Variants in GSE1 observed in about 807,000 individuals in gnomAD.
GSE1 encodes genetic suppressor element 1.
GSE1 carries 32 observed loss-of-function variants against 112.6 expected under a neutral mutation model. The ratio of observed to expected loss-of-function variants is 0.28; its 90% CI spans 0.21 to 0.38. GSE1 has a LOEUF of 0.38. Among genes scored for constraint, GSE1 ranks in the 10% least tolerant of loss-of-function variants. GSE1 has a pLI of 1.00. For synonymous variants in GSE1, 1,115 were observed against 735.6 expected (o/e 1.52, Z -8.35); for missense variants, 2,348 against 1,699.2 (o/e 1.38, Z -6.71).
intron 1 of GSE1, among the ~76,000 whole-genome samples, chr16:85,567,160 C>A (rs562957501): frequency 6.6e-6 from 1 of 151,862 alleles, no homozygotes; most frequent in Non-Finnish European, 1.5e-5. Flanking sequence ...CACAGGGTGC[C>A]GGCCTGTCGG....
intron 1 of GSE1, among the ~76,000 whole-genome samples, chr16:85,587,450 T>C (rs1444560901): frequency 6.6e-6 from 1 of 152,064 alleles, no homozygotes; most frequent in African/African-American, 2.4e-5. Context: ...GCAGTGTGCA[T>C]GTGAGGCTGT....
Position 85,664,996 on chromosome 16 carries a change from C to T in GSE1, c.2645-19C>T, listed in dbSNP as rs368427861. 94 of 1,472,232 alleles carry T rather than the reference C, an allele frequency of 6.4e-5. No individual in the cohort carries two copies. In the African/African-American group the frequency reaches 1.1e-3, roughly 18 times the overall value. The allele number at this position is 1,472,232 out of a possible 1,614,324, so 91.2% of individuals were successfully genotyped here. A position where few individuals can be genotyped will look rare whatever the true frequency, so the allele number is the denominator to read the frequency against. On this transcript the variant is annotated intron_variant, in intron 11 of 15. Transcript: ENST00000253458. ...AATGATGCAACTGGCTCGTTAATCT[C>T]AGGCTGCTTTTCTCATAGACAAAGA...
intron 2 of GSE1, chr16:85,490,421 C>T (rs1008987428): frequency 6.6e-6 from 1 of 152,274 alleles, no homozygotes. Flanking sequence ...TCCGCAGAAG[C>T]GCCCATTCCT....
At chr16:85,669,038 C>T (rs542349340) in intron 14 of GSE1, among the ~76,000 whole-genome samples, 2 of 152,388 alleles carry the variant, frequency 1.3e-5, no homozygotes, top group South Asian at 4.1e-4. Flanking sequence ...CAGGCGGACT[C>T]AGGCCACATC....
chr16:85,436,102 A>C (rs2049240632), intron 2 of GSE1, among the ~76,000 whole-genome samples: 2 of 152,304 alleles, frequency 1.3e-5, no homozygotes, highest in South Asian at 4.1e-4. Flanking sequence ...ACAGCCTTCC[A>C]GAAACGTTAG....
At chr16:85,501,569 A>G (rs898935659) in intron 2 of GSE1, among the ~76,000 whole-genome samples, 2 of 150,842 alleles carry the variant, frequency 1.3e-5, no homozygotes, top group South Asian at 2.1e-4. Context: ...TTTTTTAAAA[A>G]TTTTTTGCAG....
intron 2 of GSE1, among the ~76,000 whole-genome samples, chr16:85,426,320 T>G (rs934931142): frequency 2.3e-4 from 14 of 61,748 alleles, no homozygotes; most frequent in African/African-American, 5.4e-4. Context: ...GAAGGGTGGG[T>G]GGGTAGATGT....
intron 2 of GSE1, among the ~76,000 whole-genome samples, chr16:85,415,154 G>A (rs1161342330): frequency 6.6e-6 from 1 of 152,162 alleles, no homozygotes; most frequent in Non-Finnish European, 1.5e-5. Flanking sequence ...TGCCCAGACT[G>A]GTCTTGAACC....
rs148933656 is a variant in GSE1, at chr16:85,604,367, A to G, written c.38-44185A>G. On this transcript the variant is annotated intron_variant, in intron 1 of 2. Transcript: ENST00000635906. ...CCTTTTTATGGCTGAGTAATAGTCC[A>G]CTCACTGTATGGATAAACCATGTTT... 3.3e-3 allele frequency among the ~76,000 whole-genome samples: 499 copies of G among 152,110 alleles called. 2 individuals carry two copies. Among genetic ancestry groups the G allele is most frequent in the African/African-American group, 0.011 (469 of 41,486 alleles).
chr16:85,347,788 A>G (rs1182036561), intron 1 of GSE1, among the ~76,000 whole-genome samples: 1 of 151,788 alleles, frequency 6.6e-6, no homozygotes, highest in East Asian at 1.9e-4. Context: ...TGCAAAAGCC[A>G]TCTTTGCCAC....
intron 1 of GSE1, among the ~76,000 whole-genome samples, chr16:85,620,813 T>A (rs180803255): frequency 1.4e-4 from 21 of 152,026 alleles, no homozygotes; most frequent in Admixed American, 1.3e-3. Flanking sequence ...GCCCTGGGTC[T>A]CTGCTGTGTT....
At chr16:85,220,092 G>T (rs555083983) in intron 1 of GSE1, among the ~76,000 whole-genome samples, 127 of 152,332 alleles carry the variant, frequency 8.3e-4, no homozygotes, top group Non-Finnish European at 1.5e-3. Flanking sequence ...TTCTGGCTGG[G>T]GGGCCAGCAC....
intron 2 of GSE1, among the ~76,000 whole-genome samples, chr16:85,463,799 G>C (rs1597830908): frequency 6.6e-6 from 1 of 152,160 alleles, no homozygotes; most frequent in Admixed American, 6.5e-5. Flanking sequence ...ATCGGAGAGA[G>C]GGTGAGCGGG....
chr16:85,555,394 A>AG (rs879910037), upstream of GSE1: 777 of 892,414 alleles, frequency 8.7e-4, 1 homozygote, highest in South Asian at 2.5e-3. Flanking sequence ...TAACCAAAAA[A>AG]GGGGGGGGAG....
intron 1 of GSE1, among the ~76,000 whole-genome samples, chr16:85,349,405 G>T (rs1028206931): frequency 2.6e-5 from 4 of 152,162 alleles, no homozygotes; most frequent in Non-Finnish European, 5.9e-5. Context: ...GGTGGGCTTT[G>T]GTGCGGGGCC....
chr16:85,192,213 G>A (rs2074837966), intron 1 of GSE1, among the ~76,000 whole-genome samples: 1 of 152,242 alleles, frequency 6.6e-6, no homozygotes, highest in African/African-American at 2.4e-5. Flanking sequence ...CATCATGAAT[G>A]TCTTTTAGAG....
chr16:85,297,828 A>G (rs981301715), intron 1 of GSE1, among the ~76,000 whole-genome samples: 1 of 152,108 alleles, frequency 6.6e-6, no homozygotes, highest in Non-Finnish European at 1.5e-5. Flanking sequence ...TTTGAGTTTT[A>G]TATTTCCTTG....
In GSE1 at chr16:85,434,307, C is replaced by CTAATAATAA. The variant is rs59877761; in HGVS notation, c.2464+76696_2464+76704dup. ...GCCTAGGAGTCACTAGGATGGTGGT[C>CTAATAATAA]TAATAATAATAATAATAATAATAAT... On this transcript the variant is annotated intron_variant, in intron 2 of 2. Coordinates refer to the GSE1 transcript ENST00000637419. Among the ~76,000 whole-genome samples the CTAATAATAA allele has an allele frequency of 5.9e-3, 841 of 142,264 alleles. 7 individuals are homozygous for CTAATAATAA. The highest frequency in any genetic ancestry group is 0.023 in the Middle Eastern group (6 of 266). 93.3% of individuals were successfully genotyped at this position (142,264 alleles called of 152,430 possible). A position where few individuals can be genotyped will look rare whatever the true frequency, so the allele number is the denominator to read the frequency against.
intron 2 of GSE1, among the ~76,000 whole-genome samples, chr16:85,533,048 C>T (rs183821489): frequency 6.0e-4 from 92 of 152,206 alleles, no homozygotes; most frequent in Admixed American, 1.8e-3. Context: ...ATCTGGTCTC[C>T]AAGGTGAGGA....
Sources: gnomAD v4.1 joint callset for allele counts (sites outside exome capture counted in the v4.1 genomes callset) on GRCh38, gnomAD v4.1.1 for gene constraint, MANE v1.5 for transcripts, NCBI Gene and HGNC (gene_info 2026-07-23, HGNC 2026-07-21) for gene names.